The following SRPK1 variants were observed in gnomAD, a reference collection of about 807,000 sequenced individuals.
SRPK1 encodes SFRS protein kinase 1.
A neutral mutation model predicts 89.5 loss-of-function variants in SRPK1; 52 were observed. The observed-to-expected ratio is 0.58, with a 90% CI of 0.46 to 0.73. The LOEUF (loss-of-function observed/expected upper bound fraction) is 0.73. Among genes scored for constraint, SRPK1 ranks in the 30% least tolerant of loss-of-function variants. The probability of loss-of-function intolerance (pLI) is 0.00; values close to 1 mark genes in which losing one functional copy is unlikely to be tolerated. For synonymous variants in SRPK1, 255 were observed against 270.2 expected (o/e 0.94, Z 0.55); for missense variants, 603 against 780.6 (o/e 0.77, Z 2.71).
rs778938649 is a variant in SRPK1, at chr6:35,857,271, G to T, written c.1610C>A (p.Thr537Lys). The change falls in exon 13 of 16, where the codon ACG becomes AAG. Residue 537 changes from threonine to lysine, a missense_variant. By Grantham distance (78) the Thr-to-Lys change is moderately conservative. Transcript: ENST00000373825. ...GYNTPADIWS[T>K]ACMAFELATG... ...GGGAAAAAACATTACCATGCATGCC[G>T]TGCTCCAAATGTCAGCAGGGGTATT... 1.2e-6 allele frequency: 2 copies of T among 1,611,178 alleles called. No homozygotes were observed.
At chr6:35,863,468 A>AAAATT (rs938225763) in intron 12 of SRPK1, among the ~76,000 whole-genome samples, 20 of 151,250 alleles carry the variant, frequency 1.3e-4, no homozygotes, top group Non-Finnish European at 2.5e-4. Flanking sequence ...AAAAAAAAAA[A>AAAATT]AATTAATTAA....
chr6:35,838,692 CATAACAAT>C, intron 14 of SRPK1: 1 of 1,476,668 alleles, frequency 6.8e-7, no homozygotes, highest in Non-Finnish European at 9.1e-7. Context: ...CTGGGTCCTA[CATAACAAT>C]ACTACCTCTG....
intron 2 of SRPK1, among the ~76,000 whole-genome samples, chr6:35,893,096 G>A (rs1401040709): frequency 1.3e-5 from 2 of 152,198 alleles, no homozygotes; most frequent in Admixed American, 6.5e-5. Flanking sequence ...ACTTTCCTAA[G>A]TGGAAATAAG....
chr6:35,865,639 A>G (rs1375785905), intron 12 of SRPK1, among the ~76,000 whole-genome samples: 1 of 152,198 alleles, frequency 6.6e-6, no homozygotes, highest in African/African-American at 2.4e-5. Context: ...AAATAAAGCC[A>G]TATACTTAAC....
chr6:35,880,742 A>AAAAAAAAAAAAAAAAAGAAAGAAAG, intron 6 of SRPK1, among the ~76,000 whole-genome samples: 10 of 28,178 alleles, frequency 3.5e-4, no homozygotes, highest in Middle Eastern at 0.038. Context: ...AAAGAAAAAA[A>AAAAAAAAAAAAAAAAAGAAAGAAAG]AAAAAAAAGA....
At chr6:35,877,713 C>T (rs1384367914) in intron 6 of SRPK1, among the ~76,000 whole-genome samples, 3 of 151,996 alleles carry the variant, frequency 2.0e-5, no homozygotes, top group East Asian at 1.9e-4. Flanking sequence ...CATGGTGGCG[C>T]GTGCCTGTAG....
intron 2 of SRPK1, among the ~76,000 whole-genome samples, chr6:35,909,845 G>A (rs1770924181): frequency 6.6e-6 from 1 of 152,150 alleles, no homozygotes; most frequent in Admixed American, 6.5e-5. Context: ...ATGATTCTAA[G>A]TTTCCTGAGG....
chr6:35,852,782 T>A (rs910842980), intron 13 of SRPK1, among the ~76,000 whole-genome samples: 2 of 152,336 alleles, frequency 1.3e-5, no homozygotes, highest in East Asian at 1.9e-4. Flanking sequence ...CAGTTATGGA[T>A]AAACCCCTTT....
chr6:35,869,101 G>A lies in SRPK1; in HGVS notation c.1421C>T (p.Thr474Met), dbSNP rs375086849. The A allele has an allele frequency of 3.0e-5, 49 of 1,613,028 alleles. No homozygotes were observed. Among genetic ancestry groups the A allele is most frequent in the Middle Eastern group, 1.7e-4 (1 of 6,058 alleles). ...NGPLDNKGKS[T>M]AGNFLVNPLE... ...GGGATTAACAAGAAAATTTCCAGCCGTGGATTTTCCTACAGACAACAGGCA... is the reference window on the plus strand; with the variant it reads ...GGGATTAACAAGAAAATTTCCAGCCATGGATTTTCCTACAGACAACAGGCA... Residue 474 changes from threonine (T) to methionine (M), a missense_variant, in exon 12 of 16, where the codon ACG (threonine) becomes ATG (methionine). Thr to Met is a moderately conservative substitution (Grantham distance 81). Transcript: ENST00000373825.
intron 2 of SRPK1, among the ~76,000 whole-genome samples, chr6:35,914,655 C>T (rs1164486644): frequency 6.6e-6 from 1 of 152,162 alleles, no homozygotes; most frequent in African/African-American, 2.4e-5. Context: ...TTTATTCTGT[C>T]TTTCCTCCCA....
intron 13 of SRPK1, among the ~76,000 whole-genome samples, chr6:35,842,889 T>C (rs7758042): frequency 0.27 from 41,555 of 151,792 alleles, 6,079 homozygotes; most frequent in South Asian, 0.41. Flanking sequence ...TCAGCCCTCC[T>C]GAGTTTCCCT....
chr6:35,903,110 C>T lies in SRPK1; in HGVS notation c.75-12097G>A, dbSNP rs992593626. Among the ~76,000 whole-genome samples, 13 of 151,088 alleles carry T rather than the reference C, an allele frequency of 8.6e-5. 1 individual carries two copies. The highest frequency in any genetic ancestry group is 8.6e-4 in the Admixed American group (13 of 15,180). On this transcript the variant is annotated intron_variant, in intron 2 of 15. Coordinates refer to ENST00000373825, the MANE Select transcript of SRPK1 (RefSeq NM_003137.5). Reference sequence around the variant, plus strand: ...CCTAGGCAACACAGTGAGACCCTGTCTCTATTTAAAAAAAAAAAAGCAAAG... The same window carrying T: ...CCTAGGCAACACAGTGAGACCCTGTTTCTATTTAAAAAAAAAAAAGCAAAG...
At position 35,858,340 on chromosome 6, in the gene SRPK1, T is replaced by TA. The variant is rs565310448; in HGVS notation, c.1513-973dup. Among the ~76,000 whole-genome samples the TA allele has an allele frequency of 7.9e-3, 1,154 of 145,720 alleles. 13 individuals are homozygous for TA. The highest frequency in any genetic ancestry group is 0.026 in the African/African-American group (1,032 of 40,002). ...TTTTTAACTGTGACACTTTGTCACC[T>TA]AAAAAAAAAAAATTAAGATGCAAAA... On this transcript the variant is annotated intron_variant, in intron 12 of 15. Coordinates refer to ENST00000373825, the MANE Select transcript of SRPK1 (RefSeq NM_003137.5).
chr6:35,872,637 T>C lies in SRPK1; in HGVS notation c.677A>G (p.Gln226Arg). ...TTCTGCAGCCAGCCTCCGAATGTAC[T>C]GCTCATTCACTGACAATAAGATGTT... Reference protein sequence around the residue: ...PENILLSVNEQYIRRLAAEAT... With the variant: ...PENILLSVNERYIRRLAAEAT... The change falls in exon 8 of 16, where the codon CAG becomes CGG. Residue 226 changes from glutamine to arginine, a missense_variant. Gln to Arg is a conservative substitution (Grantham distance 43). Transcript: ENST00000373825. The C allele has an allele frequency of 1.2e-6, 2 of 1,612,612 alleles. No homozygotes were observed. Among genetic ancestry groups the C allele is most frequent in the Non-Finnish European group, 1.7e-6 (2 of 1,179,334 alleles).
At chr6:35,855,837 C>G (rs563592248) in intron 13 of SRPK1, among the ~76,000 whole-genome samples, 1 of 152,128 alleles carries the variant, frequency 6.6e-6, no homozygotes, top group African/African-American at 2.4e-5. Flanking sequence ...CAGGTTCAAG[C>G]GATTCTCCTG....
chr6:35,915,524 T>A (rs924809606), intron 2 of SRPK1, among the ~76,000 whole-genome samples: 8 of 152,218 alleles, frequency 5.3e-5, no homozygotes, highest in African/African-American at 1.9e-4. Context: ...ATCACTGATG[T>A]AAGCAATGAT....
At position 35,886,799 on chromosome 6, in the gene SRPK1, C is replaced by A. The variant is rs1193121159; in HGVS notation, c.403G>T (p.Asp135Tyr). The A allele has an allele frequency of 3.2e-5, 51 of 1,608,222 alleles. No homozygotes were observed. The highest frequency in any genetic ancestry group is 4.2e-5 in the Non-Finnish European group (49 of 1,175,134). The change falls in exon 6 of 16, where the codon GAC (aspartate) becomes TAC (tyrosine). Residue 135 changes from aspartate (D) to tyrosine (Y), a missense_variant. Coordinates refer to ENST00000373825, the MANE Select transcript of SRPK1 (RefSeq NM_003137.5). ...IRLLKSVRNS[D>Y]PNDPNREMVV... ...ATTTCTCTATTTGGATCATTAGGGT[C>A]TGAATTGCGAACCTGTAGTGGGGAA... is the stretch of plus-strand genomic sequence containing the variant.
At chr6:35,884,083 A>G (rs1233192197) in intron 6 of SRPK1, among the ~76,000 whole-genome samples, 7 of 152,144 alleles carry the variant, frequency 4.6e-5, no homozygotes, top group Non-Finnish European at 8.8e-5. Flanking sequence ...TGTAAAGAAA[A>G]TAACAAAAGG....
intron 13 of SRPK1, among the ~76,000 whole-genome samples, chr6:35,853,949 C>A (rs759612422): frequency 1.1e-4 from 17 of 151,554 alleles, no homozygotes; most frequent in Non-Finnish European, 1.8e-4. Flanking sequence ...TTCCCCTTTC[C>A]CCCTTTTTTT....
Sources: allele counts gnomAD v4.1 joint callset (sites outside exome capture counted in the v4.1 genomes callset), GRCh38; gene constraint gnomAD v4.1.1; transcripts MANE v1.5; gene names NCBI Gene and HGNC (gene_info 2026-07-23, HGNC 2026-07-21).